Variants in WWOX observed in about 807,000 individuals in gnomAD.
The protein encoded by WWOX is WW domain-containing oxidoreductase.
Under a neutral mutation model 46.2 loss-of-function variants are expected in WWOX, and 69 were observed. The ratio of observed to expected loss-of-function variants is 1.49; its 90% CI spans 1.23 to 1.82. WWOX has a LOEUF of 1.82. Among genes scored for constraint, WWOX ranks in the 40% most tolerant of loss-of-function variants. The pLI, the probability that WWOX is intolerant of heterozygous loss-of-function variation, is 0.00. For missense variants in WWOX, 919 were observed against 542.6 expected, an observed-to-expected ratio of 1.69 and a Z score of -6.89; for synonymous variants, 359 against 202.6, an observed-to-expected ratio of 1.77 and a Z score of -6.56.
chr16:79,048,643 A>G (rs879424236), intron 8 of WWOX, among the ~76,000 whole-genome samples: 2 of 152,008 alleles, frequency 1.3e-5, no homozygotes, highest in Admixed American at 6.5e-5. Flanking sequence ...TGATAATTAT[A>G]CTCTAAAGCA....
chr16:78,857,741 A>G (rs1326238630), intron 8 of WWOX, among the ~76,000 whole-genome samples: 1 of 152,252 alleles, frequency 6.6e-6, no homozygotes, highest in African/African-American at 2.4e-5. Flanking sequence ...ACTTTGACTC[A>G]TGCTCATAAC....
At chr16:78,686,479 C>G (rs1262929724) in intron 8 of WWOX, among the ~76,000 whole-genome samples, 1 of 151,428 alleles carries the variant, frequency 6.6e-6, no homozygotes, top group African/African-American at 2.4e-5. Context: ...CCACTGTACT[C>G]CAGCCTGGGG....
At chr16:78,659,967 C>T (rs1045545367) in intron 8 of WWOX, among the ~76,000 whole-genome samples, 1 of 152,144 alleles carries the variant, frequency 6.6e-6, no homozygotes, top group Non-Finnish European at 1.5e-5. Context: ...CAAAAAAAAG[C>T]CCAGTAATTG....
chr16:78,481,496 G>C (rs2084484912), intron 8 of WWOX, among the ~76,000 whole-genome samples: 1 of 152,072 alleles, frequency 6.6e-6, no homozygotes, highest in South Asian at 2.1e-4. Flanking sequence ...AACTTTGCAG[G>C]ATGTTCGTTT....
intron 5 of WWOX, among the ~76,000 whole-genome samples, chr16:78,328,081 C>A (rs1471747809): frequency 6.6e-6 from 1 of 151,922 alleles, no homozygotes; most frequent in East Asian, 1.9e-4. Flanking sequence ...GCCATGTTGG[C>A]CAGGCTGGTC....
chr16:78,996,695 C>G (rs1411197270), intron 8 of WWOX, among the ~76,000 whole-genome samples: 1 of 152,230 alleles, frequency 6.6e-6, no homozygotes, highest in Admixed American at 6.5e-5. Context: ...GCAAATATGG[C>G]CAGGTACAGT....
chr16:79,108,816 G>C (rs1407757199), intron 8 of WWOX, among the ~76,000 whole-genome samples: 1 of 152,034 alleles, frequency 6.6e-6, no homozygotes, highest in Admixed American at 6.6e-5. Context: ...CCTGAGGACT[G>C]CTTGAGTCCT....
chr16:78,633,949 C>G (rs1079323), intron 8 of WWOX, among the ~76,000 whole-genome samples: 1 of 150,744 alleles, frequency 6.6e-6, no homozygotes, highest in South Asian at 2.1e-4. Context: ...CCAGCTCTGC[C>G]GACCAAAGGC....
chr16:79,081,613 T>A (rs2150582839), intron 8 of WWOX, among the ~76,000 whole-genome samples: 1 of 152,348 alleles, frequency 6.6e-6, no homozygotes, highest in East Asian at 1.9e-4. Flanking sequence ...CTTCGCTTCC[T>A]CATTGGTCAA....
chr16:78,906,682 G>C (rs1230553918), intron 8 of WWOX, among the ~76,000 whole-genome samples: 1 of 152,212 alleles, frequency 6.6e-6, no homozygotes, highest in Non-Finnish European at 1.5e-5. Flanking sequence ...TTTTGTTGTG[G>C]TGTGGGAAGG....
chr16:79,007,915 G>A (rs373550279), intron 8 of WWOX, among the ~76,000 whole-genome samples: 4 of 152,188 alleles, frequency 2.6e-5, no homozygotes, highest in African/African-American at 9.7e-5. Flanking sequence ...ACAACCTTGG[G>A]AGGTAGTTAC....
chr16:78,101,089 C>G (rs1030094779), intron 1 of WWOX, among the ~76,000 whole-genome samples: 1 of 151,812 alleles, frequency 6.6e-6, no homozygotes, highest in African/African-American at 2.4e-5. Flanking sequence ...GCTCTGTCGC[C>G]CAGGCTGGAG....
intron 8 of WWOX, chr16:78,996,171 C>G: frequency 2.1e-6 from 2 of 972,634 alleles, no homozygotes; most frequent in Non-Finnish European, 2.4e-6. Flanking sequence ...TAACGAAACT[C>G]ACATCTTCTT....
intron 8 of WWOX, among the ~76,000 whole-genome samples, chr16:78,965,427 G>A (rs1047828191): frequency 2.6e-5 from 4 of 152,000 alleles, no homozygotes; most frequent in Admixed American, 2.6e-4. Context: ...AAAATTAGCT[G>A]GGCATGGTGG....
chr16:78,180,692 A>G (rs574307238), intron 5 of WWOX, among the ~76,000 whole-genome samples: 1 of 151,948 alleles, frequency 6.6e-6, no homozygotes, highest in East Asian at 1.9e-4. Context: ...TGTTAGGGCC[A>G]GTGGGTAAAT....
In WWOX at chr16:78,866,057, C is replaced by G. The variant is rs149949345; in HGVS notation, c.1057-345551C>G. Among the ~76,000 whole-genome samples, 1,237 of 152,288 alleles carry G rather than the reference C, an allele frequency of 8.1e-3. 22 individuals carry two copies. Among genetic ancestry groups the G allele is most frequent in the African/African-American group, 0.029 (1,189 of 41,564 alleles). ...TGAGTCATAGACTCACTGCATTGCT[C>G]CAAGGTGCAGATTCTAGTTGGAAAT... On this transcript the variant is annotated intron_variant, in intron 8 of 8. Coordinates refer to ENST00000566780, the MANE Select transcript of WWOX (RefSeq NM_016373.4).
intron 5 of WWOX, among the ~76,000 whole-genome samples, chr16:78,331,982 A>C (rs1281657246): frequency 6.6e-6 from 1 of 152,118 alleles, no homozygotes; most frequent in African/African-American, 2.4e-5. Flanking sequence ...CTGTGTCCTC[A>C]AGCAGTACAT....
chr16:78,402,280 G>A (rs745782717), intron 6 of WWOX, among the ~76,000 whole-genome samples: 1 of 152,034 alleles, frequency 6.6e-6, no homozygotes, highest in Non-Finnish European at 1.5e-5. Context: ...ATGTTCTAGA[G>A]GTTCATTTAT....
intron 8 of WWOX, among the ~76,000 whole-genome samples, chr16:78,504,990 A>G (rs1314610277): frequency 6.6e-6 from 1 of 152,182 alleles, no homozygotes; most frequent in African/African-American, 2.4e-5. Flanking sequence ...ATGCTTATGT[A>G]TATGCCTTTG....
Sources: allele counts gnomAD v4.1 joint callset (sites outside exome capture counted in the v4.1 genomes callset), GRCh38; gene constraint gnomAD v4.1.1; transcripts MANE v1.5; gene names NCBI Gene and HGNC (gene_info 2026-07-23, HGNC 2026-07-21).